Variants in BCAS3 observed in about 807,000 individuals in gnomAD.
The protein encoded by BCAS3 is BCAS4/BCAS3 fusion.
A neutral mutation model predicts 116.1 loss-of-function variants in BCAS3; 53 were observed. That is an observed-to-expected ratio of 0.46 (90% CI 0.37 to 0.57). The LOEUF (loss-of-function observed/expected upper bound fraction) is 0.57, where lower values mean the gene tolerates loss of function less well. Among genes scored for constraint, BCAS3 ranks in the 20% least tolerant of loss-of-function variants. The pLI, the probability that BCAS3 is intolerant of heterozygous loss-of-function variation, is 0.00. For synonymous variants in BCAS3, 391 were observed against 408.2 expected (o/e 0.96, Z 0.51); for missense variants, 917 against 1,165.4 (o/e 0.79, Z 3.10).
Position 61,348,993 on chromosome 17 carries a change from C to A in BCAS3, c.2426-19334C>A, listed in dbSNP as rs981220907. Among the ~76,000 whole-genome samples, 1 of 151,984 alleles carries A rather than the reference C, an allele frequency of 6.6e-6. No homozygotes were observed. The highest frequency in any genetic ancestry group is 2.4e-5 in the African/African-American group (1 of 41,392). On this transcript the variant is annotated intron_variant, in intron 22 of 23. Transcript: ENST00000407086. The surrounding 1 kb of genome is among the most constrained non-coding windows in gnomAD (Gnocchi z 4.5). ...GGTCTTGATCTCCTGACCTCATGAT[C>A]CACCCACCTCAGCCTCCCAAAGTGC...
At chr17:60,751,542 C>CTT (rs535708879) in intron 6 of BCAS3, among the ~76,000 whole-genome samples, 2 of 20,042 alleles carry the variant, frequency 1.0e-4, no homozygotes, top group Admixed American at 2.4e-3. Context: ...TTTTCTTTTT[C>CTT]TTTTTTTTTT....
chr17:61,176,477 C>A (rs1208283738), intron 22 of BCAS3, among the ~76,000 whole-genome samples: 1 of 151,030 alleles, frequency 6.6e-6, no homozygotes, highest in African/African-American at 2.4e-5. Context: ...CCTGTCCCCC[C>A]ATTGTCAGTG....
At chr17:60,790,724 T>C (rs2046684830) in intron 6 of BCAS3, among the ~76,000 whole-genome samples, 1 of 150,960 alleles carries the variant, frequency 6.6e-6, no homozygotes, top group African/African-American at 2.4e-5. Context: ...TTCATAAACA[T>C]TAGTTGTGTT....
At chr17:61,295,859 G>A (rs949390478) in intron 22 of BCAS3, among the ~76,000 whole-genome samples, 4 of 151,704 alleles carry the variant, frequency 2.6e-5, no homozygotes, top group African/African-American at 9.7e-5. Flanking sequence ...GGAGGCTGAG[G>A]CAGGAGAATC....
In BCAS3 at chr17:61,251,245, C is replaced by T. The variant is rs1156745543; in HGVS notation, c.2426-117082C>T. ...GGTGGAGAGTCTGTTAACTCAAGGC[C>T]TGATTCTAATGAATTTGGGATTCCT... On this transcript the variant is annotated intron_variant, in intron 22 of 23. Transcript: ENST00000407086. This position sits in a 1 kb window ranked among gnomAD's most constrained non-coding sequence, Gnocchi z 4.7. Among the ~76,000 whole-genome samples, 1 of 152,106 alleles carries T rather than the reference C, an allele frequency of 6.6e-6. No homozygotes were observed. Among genetic ancestry groups the T allele is most frequent in the Non-Finnish European group, 1.5e-5 (1 of 68,020 alleles).
intron 13 of BCAS3, among the ~76,000 whole-genome samples, chr17:60,938,086 G>A (rs555706662): frequency 1.8e-4 from 27 of 152,132 alleles, no homozygotes; most frequent in African/African-American, 5.8e-4. Flanking sequence ...CGTAGAGACG[G>A]GATTTCACCA....
chr17:61,131,901 A>G lies in BCAS3; in HGVS notation c.2425+47337A>G, dbSNP rs896186295. The stretch of plus-strand genomic sequence containing the variant: ...GGAGGTAGTGGTAGCCAAAGGAAAT[A>G]TTTCTTCTTTGTTGTTTATTTCTCA... On this transcript the variant is annotated intron_variant, in intron 22 of 23. Transcript: ENST00000407086. This position sits in a 1 kb window ranked among gnomAD's most constrained non-coding sequence, Gnocchi z 4.4. 6.6e-6 allele frequency among the ~76,000 whole-genome samples: 1 copy of G among 152,080 alleles called. No individual in the cohort carries two copies. The highest frequency in any genetic ancestry group is 6.5e-5 in the Admixed American group (1 of 15,270).
At chr17:61,067,740 A>AAAT (rs1555697139) in intron 19 of BCAS3, among the ~76,000 whole-genome samples, 24 of 133,750 alleles carry the variant, frequency 1.8e-4, no homozygotes, top group Non-Finnish European at 2.9e-4. Flanking sequence ...AAAAAAAAAA[A>AAAT]ATATATATAT....
At chr17:61,169,565 G>A (rs921361035) in intron 22 of BCAS3, among the ~76,000 whole-genome samples, 9 of 152,132 alleles carry the variant, frequency 5.9e-5, no homozygotes, top group African/African-American at 1.2e-4. Flanking sequence ...GAGCCCGGCC[G>A]AGATAGAATT....
intron 6 of BCAS3, among the ~76,000 whole-genome samples, chr17:60,773,584 C>T (rs902200209): frequency 6.6e-6 from 1 of 152,122 alleles, no homozygotes. Flanking sequence ...TGAGCCACCA[C>T]ACCCAGCCAA....
chr17:61,207,082 A>G lies in BCAS3; in HGVS notation c.2425+122518A>G, dbSNP rs190165485. On this transcript the variant is annotated intron_variant, in intron 22 of 23. Transcript: ENST00000407086. The stretch of plus-strand genomic sequence containing the variant: ...GCAATATTAGTATTTGTTCTTTCTT[A>G]GCACCTTTTCGAAGTTTTCTTCACA... Among the ~76,000 whole-genome samples the G allele has an allele frequency of 6.2e-4, 95 of 152,236 alleles. 1 individual carries two copies. Among genetic ancestry groups the G allele is most frequent in the Non-Finnish European group, 1.2e-3 (81 of 68,006 alleles).
In BCAS3 at chr17:61,128,409, T is replaced by G. The variant is rs1568412863; in HGVS notation, c.2425+43845T>G. On this transcript the variant is annotated intron_variant, in intron 22 of 23. Transcript: ENST00000407086. The surrounding 1 kb of genome is among the most constrained non-coding windows in gnomAD (Gnocchi z 4.1). ...AAGGTGGGACACCAGTAGATATACA[T>G]TCAGACAAATCACCCTGCAGTTATT... is the stretch of plus-strand genomic sequence containing the variant. 3.0e-6 allele frequency: 3 copies of G among 985,436 alleles called. 1 individual carries two copies. In the South Asian group the frequency reaches 1.4e-4, roughly 46 times the overall value. 61.0% of individuals were successfully genotyped at this position (985,436 alleles called of 1,614,324 possible).
rs1395277705 is a variant in BCAS3 at position 61,307,701 on chromosome 17, C to T, written c.2426-60626C>T. Among the ~76,000 whole-genome samples, 1 of 152,190 alleles carries T rather than the reference C, an allele frequency of 6.6e-6. No homozygotes were observed. The highest frequency in any genetic ancestry group is 2.4e-5 in the African/African-American group (1 of 41,448). The stretch of plus-strand genomic sequence containing the variant: ...TGCTCTAAATAAAATTACTTTTTCC[C>T]AAGTGTTCTAGAAAGGGTTACATTC... On this transcript the variant is annotated intron_variant, in intron 22 of 23. Coordinates refer to ENST00000407086, the MANE Select transcript of BCAS3 (RefSeq NM_017679.5). The surrounding 1 kb of genome is among the most constrained non-coding windows in gnomAD (Gnocchi z 4.7).
rs9891229 is a variant in BCAS3 at position 61,243,016 on chromosome 17, A to G, written c.2426-125311A>G. On this transcript the variant is annotated intron_variant, in intron 22 of 23. Coordinates refer to ENST00000407086, the MANE Select transcript of BCAS3 (RefSeq NM_017679.5). This position sits in a 1 kb window ranked among gnomAD's most constrained non-coding sequence, Gnocchi z 5.6. ...AACCTCTGCCTCTTGGGTTCAAGCAATTCTCCTGCCTCAGCCTCCCAAGTA... is the reference window on the plus strand; with the variant it reads ...AACCTCTGCCTCTTGGGTTCAAGCAGTTCTCCTGCCTCAGCCTCCCAAGTA... Among the ~76,000 whole-genome samples, 90,105 of 151,664 alleles carry G rather than the reference A, an allele frequency of 0.59. 30,854 individuals carry two copies. Among genetic ancestry groups the G allele is most frequent in the East Asian group, 0.82 (4,227 of 5,146 alleles).
Position 61,233,210 on chromosome 17 carries a change from T to C in BCAS3, c.2426-135117T>C, listed in dbSNP as rs2082796269. Among the ~76,000 whole-genome samples the C allele has an allele frequency of 6.6e-6, 1 of 152,200 alleles. No individual in the cohort carries two copies. The highest frequency in any genetic ancestry group is 1.5e-5 in the Non-Finnish European group (1 of 68,034). Reference sequence around the variant, plus strand: ...TTGAGGGATAATGGAAAGGAGGTGATAAAGATTAGAGCTGATTGGGAAGGT... The same window carrying C: ...TTGAGGGATAATGGAAAGGAGGTGACAAAGATTAGAGCTGATTGGGAAGGT... On this transcript the variant is annotated intron_variant, in intron 22 of 23. Transcript: ENST00000407086. The surrounding 1 kb of genome is among the most constrained non-coding windows in gnomAD (Gnocchi z 4.3).
At chr17:60,733,240 C>A (rs2040639205) in intron 5 of BCAS3, among the ~76,000 whole-genome samples, 1 of 152,146 alleles carries the variant, frequency 6.6e-6, no homozygotes, top group South Asian at 2.1e-4. Context: ...AGTCCATTTT[C>A]TTTTCTACTA....
At chr17:61,081,717 T>C (rs532678898) in intron 21 of BCAS3, among the ~76,000 whole-genome samples, 2 of 152,320 alleles carry the variant, frequency 1.3e-5, no homozygotes, top group East Asian at 3.9e-4. Context: ...AAGTCCTTTT[T>C]AGTACCACCA....
At chr17:61,044,074 A>G (rs907127302) in intron 19 of BCAS3, among the ~76,000 whole-genome samples, 1 of 151,956 alleles carries the variant, frequency 6.6e-6, no homozygotes, top group Admixed American at 6.6e-5. Context: ...TATAGCTCAC[A>G]TTTATTTTGA....
chr17:61,273,966 A>G (rs2050540497), intron 22 of BCAS3, among the ~76,000 whole-genome samples: 1 of 140,862 alleles, frequency 7.1e-6, no homozygotes, highest in South Asian at 2.2e-4. Flanking sequence ...TTTAAATTTT[A>G]TTATTATTAT....
Sources: allele counts gnomAD v4.1 joint callset (sites outside exome capture counted in the v4.1 genomes callset), GRCh38; gene constraint gnomAD v4.1.1; non-coding constraint Gnocchi (gnomAD v3.1); transcripts MANE v1.5; gene names NCBI Gene and HGNC (gene_info 2026-07-23, HGNC 2026-07-21).